Variants in PARD3 observed in about 807,000 individuals in gnomAD.
PARD3 encodes the protein partitioning defective 3 homolog.
Under a neutral mutation model 155.4 loss-of-function variants are expected in PARD3, and 75 were observed. The observed-to-expected ratio is 0.48, with a 90% confidence interval of 0.40 to 0.58. The LOEUF is 0.58. Ranked by LOEUF, PARD3 falls within the 20% of genes least tolerant of loss-of-function variation. The pLI is 0.00. For missense variants in PARD3, 1,642 were observed against 1,721.7 expected (o/e 0.95, Z 0.82); for synonymous variants, 576 against 610.5 (o/e 0.94, Z 0.83).
chr10:34,330,758 T>A (rs1299883606), intron 19 of PARD3, among the ~76,000 whole-genome samples: 1 of 152,148 alleles, frequency 6.6e-6, no homozygotes, highest in Non-Finnish European at 1.5e-5. Flanking sequence ...GAAATTACAT[T>A]TTTTACCAAA....
chr10:34,215,263 C>T (rs991809045), intron 22 of PARD3, among the ~76,000 whole-genome samples: 10 of 152,132 alleles, frequency 6.6e-5, no homozygotes, highest in Non-Finnish European at 1.5e-4. Flanking sequence ...AAACTGTGCC[C>T]AGACTTGTCA....
At chr10:34,531,628 CTTTCT>C (rs1484778627) in intron 2 of PARD3, among the ~76,000 whole-genome samples, 1 of 151,934 alleles carries the variant, frequency 6.6e-6, no homozygotes, top group East Asian at 1.9e-4. Context: ...CAGGAATTTC[CTTTCT>C]TGTTTTTTAT....
At chr10:34,425,966 T>G (rs2075581260) in intron 5 of PARD3, among the ~76,000 whole-genome samples, 1 of 152,220 alleles carries the variant, frequency 6.6e-6, no homozygotes, top group Admixed American at 6.5e-5. Context: ...CAATCTTCTG[T>G]GGACCCAATA....
At chr10:34,484,423 A>C (rs1000956772) in intron 3 of PARD3, among the ~76,000 whole-genome samples, 2 of 152,216 alleles carry the variant, frequency 1.3e-5, no homozygotes, top group African/African-American at 4.8e-5. Context: ...ATTCCATTCC[A>C]GATACTGCTC....
intron 1 of PARD3, among the ~76,000 whole-genome samples, chr10:34,804,451 TGTA>T (rs1393453900): frequency 6.6e-6 from 1 of 152,244 alleles, no homozygotes; most frequent in African/African-American, 2.4e-5. Context: ...CATCCTGTGT[TGTA>T]GTACATCAGG....
intron 3 of PARD3, among the ~76,000 whole-genome samples, chr10:34,493,685 T>C (rs1012012222): frequency 4.0e-5 from 6 of 151,600 alleles, no homozygotes; most frequent in African/African-American, 1.2e-4. Context: ...TGATCCAAGA[T>C]AGTGCCATTG....
At chr10:34,518,058 TGGTAGAGACAG>T (rs1211567390) in intron 2 of PARD3, among the ~76,000 whole-genome samples, 3 of 152,190 alleles carry the variant, frequency 2.0e-5, no homozygotes, top group Non-Finnish European at 4.4e-5. Flanking sequence ...TTTGTATTTT[TGGTAGAGACAG>T]GGTTTCATCA....
At chr10:34,632,934 C>G (rs771897064) in intron 2 of PARD3, among the ~76,000 whole-genome samples, 2 of 152,178 alleles carry the variant, frequency 1.3e-5, no homozygotes, top group South Asian at 4.1e-4. Context: ...ACCGAGGAGG[C>G]TGCGCAGAGG....
At position 34,696,371 on chromosome 10, in the gene PARD3, C is replaced by T. The variant is rs1249532166; in HGVS notation, c.169G>A (p.Gly57Arg). 6.2e-7 allele frequency: 1 copy of T among 1,612,920 alleles called. No individual in the cohort carries two copies. The highest frequency in any genetic ancestry group is 8.5e-7 in the Non-Finnish European group (1 of 1,178,984). ...AGAATGTCATCAAGGTCTAGTATTCCTCCATCTCCATGTTCCAAGCGATGC... is the reference window on the plus strand; with the variant it reads ...AGAATGTCATCAAGGTCTAGTATTCTTCCATCTCCATGTTCCAAGCGATGC... ...QVHRLEHGDGGILDLDDILCD... is the reference protein window; with the variant it reads ...QVHRLEHGDGRILDLDDILCD... Residue 57 changes from glycine to arginine, a missense_variant, in exon 2 of 25, where the codon GGA becomes AGA. Coordinates refer to ENST00000374788, the MANE Select transcript of PARD3 (RefSeq NM_001184785.2).
At chr10:34,605,615 ATATATCTCCTATATATATATATCTCC>A in intron 2 of PARD3, among the ~76,000 whole-genome samples, 1 of 90,540 alleles carries the variant, frequency 1.1e-5, no homozygotes, top group African/African-American at 6.5e-5. Context: ...TCTCCTATAT[ATATATCTCCTATATATATATATCTCC>A]TATATATATA....
chr10:34,308,666 A>G (rs544106199), intron 20 of PARD3, among the ~76,000 whole-genome samples: 1 of 151,538 alleles, frequency 6.6e-6, no homozygotes, highest in Non-Finnish European at 1.5e-5. Flanking sequence ...CTCCAAGTGA[A>G]TGTGTCAAGA....
In PARD3 at chr10:34,401,929, CA is replaced by C. The variant is rs765790632; in HGVS notation, c.715-13del. The C allele has an allele frequency of 6.2e-7, 1 of 1,602,296 alleles. No homozygotes were observed. Among genetic ancestry groups the C allele is most frequent in the South Asian group, 1.1e-5 (1 of 90,824 alleles). ...GTCCCATCCTCATCCTAGAGGCAGC[CA>C]ACACAAAGAAAAGTACACTCTGTGT... is the stretch of plus-strand genomic sequence containing the variant. On this transcript the variant is annotated splice_polypyrimidine_tract_variant and intron_variant, in intron 5 of 24. Coordinates refer to ENST00000374788, the MANE Select transcript of PARD3 (RefSeq NM_001184785.2).
chr10:34,382,491 TG>T, intron 9 of PARD3, 48 bp downstream of exon 9: 1 of 1,573,998 alleles, frequency 6.4e-7, no homozygotes, highest in Non-Finnish European at 8.6e-7. Context: ...CCTTGTGTGT[TG>T]CTGCTAAGAA....
intron 1 of PARD3, among the ~76,000 whole-genome samples, chr10:34,795,341 T>C (rs980015274): frequency 6.6e-6 from 1 of 152,208 alleles, no homozygotes; most frequent in African/African-American, 2.4e-5. Flanking sequence ...GCAGGCATGG[T>C]AGTTCATACC....
rs1053816331 is a variant in PARD3, at chr10:34,565,406, T to C, written c.223-48247A>G. 2.6e-5 allele frequency among the ~76,000 whole-genome samples: 4 copies of C among 151,506 alleles called. No individual in the cohort carries two copies. The Admixed American group carries it at 2.6e-4, about 10-fold the overall frequency. On this transcript the variant is annotated intron_variant, in intron 2 of 24. Coordinates refer to ENST00000374788, the MANE Select transcript of PARD3 (RefSeq NM_001184785.2). Reference sequence around the variant, plus strand: ...CCTTGGCCTCTCGAGTAGCTGGGATTACAGGCGTGAGATACCACAACCAGC... The same window carrying C: ...CCTTGGCCTCTCGAGTAGCTGGGATCACAGGCGTGAGATACCACAACCAGC...
chr10:34,717,533 C>G (rs2094538656), intron 1 of PARD3, among the ~76,000 whole-genome samples: 1 of 152,188 alleles, frequency 6.6e-6, no homozygotes, highest in Non-Finnish European at 1.5e-5. Context: ...ACCATTCACC[C>G]AGAACAGCTT....
intron 22 of PARD3, among the ~76,000 whole-genome samples, chr10:34,257,557 C>T (rs1268227670): frequency 1.3e-5 from 2 of 152,080 alleles, no homozygotes; most frequent in Non-Finnish European, 2.9e-5. Context: ...TCTTTAAAGA[C>T]CTAAAAGTTC....
intron 2 of PARD3, among the ~76,000 whole-genome samples, chr10:34,617,990 T>C (rs778525559): frequency 6.6e-6 from 1 of 152,234 alleles, no homozygotes; most frequent in Admixed American, 6.5e-5. Flanking sequence ...GGCTTCTCTA[T>C]ACACTGTGGC....
chr10:34,196,512 T>G (rs531682501), intron 22 of PARD3, among the ~76,000 whole-genome samples: 12 of 152,118 alleles, frequency 7.9e-5, no homozygotes, highest in Non-Finnish European at 1.6e-4. Flanking sequence ...TAGTATTTCT[T>G]GTTACTTAGT....
Sources: gnomAD v4.1 joint callset for allele counts (sites outside exome capture counted in the v4.1 genomes callset) on GRCh38, gnomAD v4.1.1 for gene constraint, MANE v1.5 for transcripts, NCBI Gene and HGNC (gene_info 2026-07-23, HGNC 2026-07-21) for gene names.